The following XYLT1 variants were observed in gnomAD, a reference collection of about 807,000 sequenced individuals.
XYLT1 encodes the protein beta-D-xylosyltransferase 1.
In XYLT1, 36 loss-of-function variants were observed where a neutral mutation model predicts 91.3. That is an observed-to-expected ratio of 0.39 (90% confidence interval 0.30 to 0.52). The LOEUF (loss-of-function observed/expected upper bound fraction) is 0.52, where lower values mean the gene tolerates loss of function less well. XYLT1 is among the 20% of genes least tolerant of loss of function. The pLI, the probability that XYLT1 is intolerant of heterozygous loss-of-function variation, is 0.68. For missense variants in XYLT1, 1,242 were observed against 1,284.5 expected (o/e 0.97, Z 0.51); for synonymous variants, 588 against 532.0 (o/e 1.11, Z -1.45).
intron 6 of XYLT1, among the ~76,000 whole-genome samples, chr16:17,150,111 GATTGTGGCATGAAGGTGA>G (rs2031246544): frequency 6.6e-6 from 1 of 152,210 alleles, no homozygotes; most frequent in East Asian, 1.9e-4. Flanking sequence ...CAATAGCCAT[GATTGTGGCATGAAGGTGA>G]CAAGTGTCCT....
chr16:17,176,834 CTTTTTTTT>C, intron 5 of XYLT1, among the ~76,000 whole-genome samples: 1 of 147,452 alleles, frequency 6.8e-6, no homozygotes, highest in South Asian at 2.1e-4. Context: ...CAGTCCTCTA[CTTTTTTTT>C]TTTTTTTAAC....
Position 17,138,409 on chromosome 16 carries a change from G to A in XYLT1, c.1710C>T (p.Asp570=). 6.2e-7 allele frequency: 1 copy of A among 1,614,166 alleles called. No individual in the cohort carries two copies. Among genetic ancestry groups the A allele is most frequent in the Non-Finnish European group, 8.5e-7 (1 of 1,180,028 alleles). ...AGTCATTGGGGGAGCAGCCGCACCA[G>A]TCCACGATGTGCTTGTACTGGCACT... is the stretch of plus-strand genomic sequence containing the variant. ...GCKCQYKHIV[D]WCGCSPNDFK... Residue 570 remains aspartate, a synonymous_variant, in exon 8 of 12, where the codon GAC becomes GAT. Coordinates refer to ENST00000261381, the MANE Select transcript of XYLT1 (RefSeq NM_022166.4).
intron 1 of XYLT1, among the ~76,000 whole-genome samples, chr16:17,366,280 A>G (rs1418209333): frequency 2.0e-5 from 3 of 152,194 alleles, no homozygotes; most frequent in Non-Finnish European, 4.4e-5. Context: ...TATCACCCCC[A>G]TATTAATGCA....
chr16:17,117,955 C>G lies in XYLT1; in HGVS notation c.2248G>C (p.Glu750Gln). 1.2e-6 allele frequency: 2 copies of G among 1,612,624 alleles called. No homozygotes were observed. Among genetic ancestry groups the G allele is most frequent in the Non-Finnish European group, 1.7e-6 (2 of 1,178,736 alleles). The change falls in exon 11 of 12, where the codon GAG (glutamate) becomes CAG (glutamine). Residue 750 changes from glutamate (E) to glutamine (Q), a missense_variant. Transcript: ENST00000261381. The stretch of plus-strand genomic sequence containing the variant: ...CCCCCAAAGTTGCGGAATAGCCTCT[C>G]CTTGGCATCCCAGTCAGTGCCGACC... ...SEVGTDWDAK[E>Q]RLFRNFGGLL...
At chr16:17,223,183 C>T (rs529047459) in intron 3 of XYLT1, among the ~76,000 whole-genome samples, 4 of 152,370 alleles carry the variant, frequency 2.6e-5, no homozygotes, top group East Asian at 3.9e-4. Context: ...CGCTGTGCCC[C>T]GTATCCCTGT....
At chr16:17,339,551 G>A (rs1464373208) in intron 2 of XYLT1, among the ~76,000 whole-genome samples, 2 of 152,072 alleles carry the variant, frequency 1.3e-5, no homozygotes, top group Non-Finnish European at 2.9e-5. Context: ...ATACTTTGAC[G>A]GCTGTACTTC....
Position 17,270,596 on chromosome 16 carries a change from G to A in XYLT1, c.403-11098C>T, listed in dbSNP as rs545021604. Among the ~76,000 whole-genome samples the A allele has an allele frequency of 3.4e-3, 521 of 152,336 alleles. 5 individuals are homozygous for A. Among genetic ancestry groups the A allele is most frequent in the African/African-American group, 0.012 (500 of 41,570 alleles). On this transcript the variant is annotated intron_variant, in intron 2 of 11. Coordinates refer to ENST00000261381, the MANE Select transcript of XYLT1 (RefSeq NM_022166.4). ...AAAGGAAGGAAATGCAAGAGAAAATGGAACGAGAAGAAGAAACAAACATCA... is the reference window on the plus strand; with the variant it reads ...AAAGGAAGGAAATGCAAGAGAAAATAGAACGAGAAGAAGAAACAAACATCA...
At chr16:17,427,477 A>G (rs2036334055) in intron 1 of XYLT1, among the ~76,000 whole-genome samples, 2 of 152,186 alleles carry the variant, frequency 1.3e-5, no homozygotes, top group South Asian at 4.1e-4. Context: ...TTTTTTGTAG[A>G]GACAGACCCT....
chr16:17,357,542 TC>T lies in XYLT1; in HGVS notation c.402+469del, dbSNP rs1309577150. Among the ~76,000 whole-genome samples, 3 of 152,106 alleles carry T rather than the reference TC, an allele frequency of 2.0e-5. 1 individual carries two copies. The highest frequency in any genetic ancestry group is 7.2e-5 in the African/African-American group (3 of 41,428). ...ACGGAAATGCCACTGCAATCACAATTCCTCAGAATGGCCTAACACGCAAGCA... is the reference window on the plus strand; with the variant it reads ...ACGGAAATGCCACTGCAATCACAATTCTCAGAATGGCCTAACACGCAAGCA... On this transcript the variant is annotated intron_variant, in intron 2 of 11. Coordinates refer to ENST00000261381, the MANE Select transcript of XYLT1 (RefSeq NM_022166.4).
At chr16:17,334,212 C>T (rs371052678) in intron 2 of XYLT1, among the ~76,000 whole-genome samples, 1 of 152,330 alleles carries the variant, frequency 6.6e-6, no homozygotes, top group African/African-American at 2.4e-5. Flanking sequence ...GTAACTTACT[C>T]AGCAGCATAA....
intron 1 of XYLT1, among the ~76,000 whole-genome samples, chr16:17,399,431 G>A (rs1213341056): frequency 6.6e-6 from 1 of 152,120 alleles, no homozygotes; most frequent in Non-Finnish European, 1.5e-5. Flanking sequence ...CAGGAGGGAA[G>A]CCCTGCTCCC....
chr16:17,141,556 G>T (rs1054506259), intron 6 of XYLT1, among the ~76,000 whole-genome samples, 187 bp from the exon 7 acceptor site: 1 of 152,160 alleles, frequency 6.6e-6, no homozygotes, highest in African/African-American at 2.4e-5. Context: ...GCATGTCACC[G>T]TATTTACCCC....
At chr16:17,125,887 G>A (rs1231127695) in intron 10 of XYLT1, among the ~76,000 whole-genome samples, 1 of 152,172 alleles carries the variant, frequency 6.6e-6, no homozygotes, top group Non-Finnish European at 1.5e-5. Flanking sequence ...CCTGCAGAAA[G>A]AATGAGCATC....
Position 17,127,794 on chromosome 16 carries a change from G to C in XYLT1, c.2095C>G (p.Leu699Val), listed in dbSNP as rs2030314683. The C allele has an allele frequency of 1.9e-6, 3 of 1,614,164 alleles. No individual in the cohort carries two copies. The highest frequency in any genetic ancestry group is 2.5e-6 in the Non-Finnish European group (3 of 1,180,016). Residue 699 changes from leucine to valine, a missense_variant, in exon 10 of 12, where the codon CTG (leucine) becomes GTG (valine). Around this residue, in one of 3 missense-constraint regions of XYLT1, gnomAD observed 511 missense variants for 497.0 expected, o/e 1.03. Coordinates refer to ENST00000261381, the MANE Select transcript of XYLT1 (RefSeq NM_022166.4). Reference sequence around the variant, plus strand: ...AGATTGGTAGCATGATGCTTGATCAGAAAGCCCTGGAAGCGGTCAGCAAGG... The same window carrying C: ...AGATTGGTAGCATGATGCTTGATCACAAAGCCCTGGAAGCGGTCAGCAAGG... ...YFLADRFQGF[L>V]IKHHATNLAV...
chr16:17,288,844 T>C (rs1005300270), intron 2 of XYLT1, among the ~76,000 whole-genome samples: 2 of 152,144 alleles, frequency 1.3e-5, no homozygotes, highest in African/African-American at 4.8e-5. Context: ...AAGAACCATC[T>C]AGCTCACCCA....
At chr16:17,270,965 G>C (rs2033879703) in intron 2 of XYLT1, among the ~76,000 whole-genome samples, 2 of 152,230 alleles carry the variant, frequency 1.3e-5, no homozygotes, top group Non-Finnish European at 2.9e-5. Flanking sequence ...CGGTGGGTAA[G>C]AGGCAGGGTC....
intron 3 of XYLT1, among the ~76,000 whole-genome samples, chr16:17,216,141 G>A (rs185246595): frequency 5.9e-5 from 9 of 152,228 alleles, no homozygotes; most frequent in Admixed American, 3.9e-4. Context: ...GTTCTCCTAC[G>A]AGCCTTCCTG....
At chr16:17,263,562 A>G (rs1209165963) in intron 2 of XYLT1, among the ~76,000 whole-genome samples, 3 of 151,874 alleles carry the variant, frequency 2.0e-5, no homozygotes, top group African/African-American at 7.3e-5. Context: ...AAGGGCTCAC[A>G]GATACTAGAT....
At position 17,259,357 on chromosome 16, in the gene XYLT1, C is replaced by G. The variant is rs2141758264; in HGVS notation, c.544G>C (p.Ala182Pro). 1 of 1,614,138 alleles carries G rather than the reference C, an allele frequency of 6.2e-7. No homozygotes were observed. The highest frequency in any genetic ancestry group is 1.1e-5 in the South Asian group (1 of 91,062). Residue 182 changes from alanine (A) to proline (P), a missense_variant, in exon 3 of 12, where the codon GCG becomes CCG. This residue lies in a region of XYLT1 where 437 missense variants were observed against 411.5 expected (regional missense o/e 1.06). Coordinates refer to ENST00000261381, the MANE Select transcript of XYLT1 (RefSeq NM_022166.4). ...TTCTGTCTACTCGGTGGCTTCTTCGCCAACTCAGGCTGGTGCTTCTGCTTT... is the reference window on the plus strand; with the variant it reads ...TTCTGTCTACTCGGTGGCTTCTTCGGCAACTCAGGCTGGTGCTTCTGCTTT... Reference protein sequence around the residue: ...TQKQKHQPELAKKPPSRQKEL... With the variant: ...TQKQKHQPELPKKPPSRQKEL...
Sources: allele counts gnomAD v4.1 joint callset (sites outside exome capture counted in the v4.1 genomes callset), GRCh38; gene constraint gnomAD v4.1.1; regional missense constraint gnomAD v4.1.1; transcripts MANE v1.5; gene names NCBI Gene and HGNC (gene_info 2026-07-23, HGNC 2026-07-21).